PLCH1: variants seen among roughly 807,000 people sequenced by gnomAD.
PLCH1 encodes the protein phospholipase C eta 1, also known as 1-phosphatidylinositol 4,5-bisphosphate phosphodiesterase eta-1.
Under a neutral mutation model 126.7 loss-of-function variants are expected in PLCH1, and 60 were observed. That is an observed-to-expected ratio of 0.47 (90% CI 0.38 to 0.59). PLCH1 has a LOEUF of 0.59. PLCH1 is among the 20% of genes least tolerant of loss of function. PLCH1 has a pLI of 0.00. For missense variants in PLCH1, 1,723 were observed against 2,040.0 expected (o/e 0.84, Z 2.99); for synonymous variants, 719 against 734.9 (o/e 0.98, Z 0.35).
intron 2 of PLCH1, among the ~76,000 whole-genome samples, chr3:155,655,151 C>T (rs1346175019): frequency 6.6e-6 from 1 of 152,122 alleles, no homozygotes; most frequent in East Asian, 1.9e-4. Context: ...TAAAATATTC[C>T]CCAGCTAGGT....
chr3:155,514,750 A>T lies in PLCH1; in HGVS notation c.1605T>A (p.His535Gln). 3.1e-6 allele frequency: 5 copies of T among 1,601,048 alleles called. No individual in the cohort carries two copies. The highest frequency in any genetic ancestry group is 4.3e-6 in the Non-Finnish European group (5 of 1,172,088). The stretch of plus-strand genomic sequence containing the variant: ...GCTTCAGGTGTGCATTTAAGCCTTC[A>T]TGCGTGGCCTTCAGTAGTGCCCGCA... ...FTVRALLKAT[H>Q]EGLNAHLKQS... The change falls in exon 12 of 23, where the codon CAT becomes CAA. Residue 535 changes from histidine to glutamine, a missense_variant. This residue lies in a region of PLCH1 where 776 missense variants were observed against 1,062.9 expected (regional missense o/e 0.73). Transcript: ENST00000460012.
At chr3:155,589,299 G>C (rs555068331) in intron 4 of PLCH1, among the ~76,000 whole-genome samples, 4 of 152,236 alleles carry the variant, frequency 2.6e-5, no homozygotes, top group African/African-American at 9.6e-5. Context: ...CAGCCATACA[G>C]ATATAAATGA....
intron 21 of PLCH1, among the ~76,000 whole-genome samples, chr3:155,470,633 C>T (rs1452760960): frequency 2.6e-5 from 4 of 151,982 alleles, no homozygotes; most frequent in Non-Finnish European, 1.5e-5. Flanking sequence ...GTCAGATTCA[C>T]CAAAGTTCAA....
At position 155,481,942 on chromosome 3, in the gene PLCH1, A is replaced by G; in HGVS notation, c.4084T>C (p.Ser1362Pro). The change falls in exon 23 of 23, where the codon TCT becomes CCT. Residue 1362 changes from serine (S) to proline (P), a missense_variant. Coordinates refer to ENST00000460012, the MANE Select transcript of PLCH1 (RefSeq NM_014996.4). The surrounding 1 kb of genome is among the most constrained non-coding windows in gnomAD (Gnocchi z 4.2). ...VEIDGESENLSLTTCEYRREG... is the reference protein window; with the variant it reads ...VEIDGESENLPLTTCEYRREG... ...CTCCTATATTCACAGGTTGTTAGAG[A>G]AAGATTTTCTGATTCTCCATCAATT... The G allele has an allele frequency of 6.2e-7, 1 of 1,614,162 alleles. No homozygotes were observed.
intron 2 of PLCH1, among the ~76,000 whole-genome samples, chr3:155,606,100 A>G (rs983142775): frequency 7.2e-5 from 11 of 152,206 alleles, no homozygotes; most frequent in Non-Finnish European, 1.3e-4. Flanking sequence ...TTAATTAAAA[A>G]CAGATATCAA....
At chr3:155,632,699 T>C (rs1738196278) in intron 2 of PLCH1, among the ~76,000 whole-genome samples, 1 of 152,176 alleles carries the variant, frequency 6.6e-6, no homozygotes, top group African/African-American at 2.4e-5. Flanking sequence ...TGAGGGAGTG[T>C]TCTTAAAGTT....
At chr3:155,561,136 CTTA>C (rs1003162218) in intron 8 of PLCH1, among the ~76,000 whole-genome samples, 27 of 149,606 alleles carry the variant, frequency 1.8e-4, no homozygotes, top group Admixed American at 1.5e-3. Context: ...ATTATTATTT[CTTA>C]TTATTATTAT....
At chr3:155,552,006 G>A (rs892027049) in intron 9 of PLCH1, among the ~76,000 whole-genome samples, 1 of 152,114 alleles carries the variant, frequency 6.6e-6, no homozygotes, top group Admixed American at 6.6e-5. Flanking sequence ...TAGAAATCAG[G>A]GTTGTAAAGA....
chr3:155,742,608 T>G (rs1156868753), intron 1 of PLCH1: 1 of 152,220 alleles, frequency 6.6e-6, no homozygotes, highest in East Asian at 1.9e-4. Context: ...ATTAGGGAAT[T>G]GGAGCCAGTT....
At chr3:155,609,705 A>T (rs1607589) in intron 2 of PLCH1, among the ~76,000 whole-genome samples, 77,499 of 151,852 alleles carry the variant, frequency 0.51, 22,834 homozygotes, top group African/African-American at 0.8. Flanking sequence ...GTAAAAACAA[A>T]CACAACTTCT....
intron 2 of PLCH1, among the ~76,000 whole-genome samples, chr3:155,599,885 A>G (rs961265963): frequency 2.0e-5 from 3 of 152,162 alleles, no homozygotes; most frequent in Admixed American, 1.3e-4. Context: ...CCATGGCTAT[A>G]ACAGCTCAAC....
intron 2 of PLCH1, among the ~76,000 whole-genome samples, chr3:155,679,562 A>G (rs1744349452): frequency 6.6e-6 from 1 of 152,200 alleles, no homozygotes; most frequent in South Asian, 2.1e-4. Context: ...AATGTTCTAT[A>G]CAACCCTCCC....
chr3:155,724,423 A>G (rs908051611), intron 1 of PLCH1, among the ~76,000 whole-genome samples: 1 of 152,142 alleles, frequency 6.6e-6, no homozygotes, highest in Non-Finnish European at 1.5e-5. Context: ...TGGGAGCTCC[A>G]GTGTCAGGTG....
chr3:155,542,938 A>G (rs1724581479), intron 10 of PLCH1, among the ~76,000 whole-genome samples: 2 of 152,190 alleles, frequency 1.3e-5, no homozygotes, highest in Non-Finnish European at 2.9e-5. Flanking sequence ...AAGATGGGGA[A>G]AAAACAGAGC....
chr3:155,526,389 CT>C (rs1436134201), intron 10 of PLCH1, among the ~76,000 whole-genome samples: 248 of 138,110 alleles, frequency 1.8e-3, no homozygotes, highest in Middle Eastern at 7.1e-3. Flanking sequence ...CTCTCTCTCT[CT>C]TCTTTCTCTC....
chr3:155,658,812 A>G (rs998430015), intron 2 of PLCH1, among the ~76,000 whole-genome samples: 6 of 152,210 alleles, frequency 3.9e-5, no homozygotes, highest in Non-Finnish European at 7.3e-5. Flanking sequence ...TGCCTTTCAC[A>G]TTTGGAAAGA....
chr3:155,590,345 G>T (rs967475894), intron 4 of PLCH1, among the ~76,000 whole-genome samples: 2 of 152,164 alleles, frequency 1.3e-5, no homozygotes, highest in Admixed American at 6.5e-5. Flanking sequence ...TTGGGAGGCC[G>T]AGGTGGGAGG....
intron 2 of PLCH1, among the ~76,000 whole-genome samples, chr3:155,639,872 G>A (rs1470040689): frequency 7.2e-6 from 1 of 138,202 alleles, no homozygotes; most frequent in Non-Finnish European, 1.5e-5. Context: ...GATAGTGAGT[G>A]AGTTCTCACG....
chr3:155,548,693 G>A (rs1035198479), intron 10 of PLCH1, among the ~76,000 whole-genome samples: 1 of 152,176 alleles, frequency 6.6e-6, no homozygotes, highest in African/African-American at 2.4e-5. Context: ...ATAAAAGTTT[G>A]CTTTAGCAAG....
Sources: allele counts gnomAD v4.1 joint callset (sites outside exome capture counted in the v4.1 genomes callset), GRCh38; gene constraint gnomAD v4.1.1; regional missense constraint gnomAD v4.1.1; non-coding constraint Gnocchi (gnomAD v3.1); transcripts MANE v1.5; gene names NCBI Gene and HGNC (gene_info 2026-07-23, HGNC 2026-07-21).